Variants in CERS3 observed in about 807,000 individuals in gnomAD.
CERS3 encodes ceramide synthase 3, also known as LAG1 homolog, ceramide synthase 3.
CERS3 carries 33 observed loss-of-function variants against 50.3 expected under a neutral mutation model. That is an observed-to-expected ratio of 0.66 (90% confidence interval 0.50 to 0.88). The LOEUF (loss-of-function observed/expected upper bound fraction) is 0.88, where lower values mean the gene tolerates loss of function less well. Among genes scored for constraint, CERS3 ranks in the 40% least tolerant of loss-of-function variants. CERS3 has a pLI of 0.00. For missense variants in CERS3, 470 were observed against 460.3 expected (o/e 1.02, Z -0.19); for synonymous variants, 176 against 155.2 (o/e 1.13, Z -0.99).
intron 1 of CERS3, among the ~76,000 whole-genome samples, chr15:100,528,475 T>G (rs2036856779): frequency 2.0e-5 from 3 of 152,198 alleles, no homozygotes; most frequent in Admixed American, 1.3e-4. Flanking sequence ...CCCAGACCTT[T>G]CTTCCTAACC....
At chr15:100,476,545 G>T (rs551395837) in intron 7 of CERS3, among the ~76,000 whole-genome samples, 33 of 152,204 alleles carry the variant, frequency 2.2e-4, no homozygotes, top group Admixed American at 2.1e-3. Context: ...AATTTACTTT[G>T]ATTAATGTTT....
At chr15:100,474,433 T>A (rs1483154379) in intron 8 of CERS3, among the ~76,000 whole-genome samples, 3 of 151,232 alleles carry the variant, frequency 2.0e-5, no homozygotes, top group Admixed American at 2.0e-4. Context: ...TGAGACGGAG[T>A]CTTGCTCTGT....
chr15:100,441,540 A>C, intron 11 of CERS3, among the ~76,000 whole-genome samples: 2 of 149,754 alleles, frequency 1.3e-5, no homozygotes, highest in Non-Finnish European at 1.5e-5. Context: ...GCAACCTTCC[A>C]CCCTCCATTC....
intron 11 of CERS3, among the ~76,000 whole-genome samples, chr15:100,428,355 G>T (rs754261742): frequency 1.1e-4 from 17 of 152,238 alleles, no homozygotes; most frequent in Non-Finnish European, 2.4e-4. Context: ...AGAAGACACT[G>T]GCAGTGGGAA....
chr15:100,431,066 T>G (rs1341225303), intron 11 of CERS3, among the ~76,000 whole-genome samples: 2 of 152,196 alleles, frequency 1.3e-5, no homozygotes, highest in African/African-American at 4.8e-5. Flanking sequence ...GTCCCTGGAC[T>G]GTACCTGGGC....
chr15:100,458,982 A>G (rs1296595640), intron 10 of CERS3, among the ~76,000 whole-genome samples: 4 of 152,200 alleles, frequency 2.6e-5, no homozygotes, highest in Admixed American at 6.5e-5. Context: ...TGTTGCAACT[A>G]CTCAATTCAG....
At chr15:100,479,914 C>T in intron 6 of CERS3, 75 bp downstream of exon 6, 1 of 1,077,020 alleles carries the variant, frequency 9.3e-7, no homozygotes, top group Non-Finnish European at 1.4e-6. Flanking sequence ...AGTACTATAC[C>T]CTAAAGGAAT....
chr15:100,430,224 A>G (rs1219423725), intron 11 of CERS3, among the ~76,000 whole-genome samples: 1 of 151,968 alleles, frequency 6.6e-6, no homozygotes, highest in Non-Finnish European at 1.5e-5. Flanking sequence ...AGGCAGGAGA[A>G]TGGCGTGAAC....
chr15:100,507,555 C>A (rs963787753), intron 2 of CERS3, among the ~76,000 whole-genome samples: 1 of 152,242 alleles, frequency 6.6e-6, no homozygotes, highest in Non-Finnish European at 1.5e-5. Context: ...CCTCTGGGAT[C>A]TTTCAGAGTC....
chr15:100,483,294 G>C (rs1291563662), intron 5 of CERS3, among the ~76,000 whole-genome samples: 5 of 152,298 alleles, frequency 3.3e-5, no homozygotes, highest in Non-Finnish European at 2.9e-5. Context: ...AGATGTTGTG[G>C]TTTCGTGTGT....
chr15:100,468,638 G>T (rs1338375556), intron 10 of CERS3, among the ~76,000 whole-genome samples: 3 of 152,096 alleles, frequency 2.0e-5, no homozygotes, highest in Non-Finnish European at 4.4e-5. Flanking sequence ...CCCAAATTAT[G>T]GTTGGTTAAA....
Position 100,402,392 on chromosome 15 carries a change from C to T in CERS3, c.*321G>A, listed in dbSNP as rs115118132. Reference sequence around the variant, plus strand: ...CCTGAGGACAGGCAAGGTGGCGAGGCGAAAGGGTCTATAACAAAGCGAGCC... The same window carrying T: ...CCTGAGGACAGGCAAGGTGGCGAGGTGAAAGGGTCTATAACAAAGCGAGCC... On this transcript the variant is annotated 3_prime_UTR_variant, in exon 12 of 12. Transcript: ENST00000679737. 8.7e-5 allele frequency: 21 copies of T among 240,948 alleles called. No homozygotes were observed. Among genetic ancestry groups the T allele is most frequent in the Non-Finnish European group, 1.6e-4 (20 of 125,792 alleles). The allele number at this position is 240,948 out of a possible 1,614,324, so 14.9% of individuals were successfully genotyped here.
chr15:100,514,497 A>C (rs1344318559), intron 2 of CERS3, among the ~76,000 whole-genome samples: 6 of 152,216 alleles, frequency 3.9e-5, no homozygotes, highest in Non-Finnish European at 5.9e-5. Context: ...AATATACATA[A>C]AACATAAAAC....
intron 2 of CERS3, among the ~76,000 whole-genome samples, chr15:100,517,677 GTTTC>G (rs1031570098): frequency 4.6e-5 from 7 of 152,280 alleles, no homozygotes; most frequent in Admixed American, 1.3e-4. Flanking sequence ...TTTAAAATGT[GTTTC>G]TTATGTAATG....
intron 1 of CERS3, among the ~76,000 whole-genome samples, chr15:100,528,045 A>C (rs2036845256): frequency 6.6e-6 from 1 of 152,238 alleles, no homozygotes; most frequent in Non-Finnish European, 1.5e-5. Context: ...TAATGAATAA[A>C]TTAAAATTCA....
chr15:100,429,072 G>T (rs980918566), intron 11 of CERS3, among the ~76,000 whole-genome samples: 1 of 152,354 alleles, frequency 6.6e-6, no homozygotes, highest in East Asian at 1.9e-4. Flanking sequence ...AATAAGCACA[G>T]ATCAGATAAT....
intron 7 of CERS3, among the ~76,000 whole-genome samples, chr15:100,478,923 T>C (rs2035218069): frequency 6.6e-6 from 1 of 152,166 alleles, no homozygotes; most frequent in Non-Finnish European, 1.5e-5. Flanking sequence ...TCTAAGGTTT[T>C]AAATATTTGA....
At chr15:100,445,518 G>A (rs78864786) in intron 11 of CERS3, among the ~76,000 whole-genome samples, 69,213 of 151,718 alleles carry the variant, frequency 0.46, 15,999 homozygotes, top group East Asian at 0.58. Context: ...CTCTTATTCC[G>A]TTTAGTTTTT....
intron 11 of CERS3, among the ~76,000 whole-genome samples, chr15:100,445,731 A>G (rs1388110153): frequency 6.6e-6 from 1 of 152,076 alleles, no homozygotes; most frequent in African/African-American, 2.4e-5. Flanking sequence ...CCATCCCCCA[A>G]AATTTTCACC....
Sources: allele counts gnomAD v4.1 joint callset (sites outside exome capture counted in the v4.1 genomes callset), GRCh38; gene constraint gnomAD v4.1.1; transcripts MANE v1.5; gene names NCBI Gene and HGNC (gene_info 2026-07-23, HGNC 2026-07-21).